The following ADARB2 variants were observed in gnomAD, a reference collection of about 807,000 sequenced individuals.
ADARB2 encodes inactive double-stranded RNA-specific editase B2.
In ADARB2, 25 loss-of-function variants were observed where a neutral mutation model predicts 62.2. That is an observed-to-expected ratio of 0.40 (90% CI 0.29 to 0.56). ADARB2 has a LOEUF of 0.56. ADARB2 is among the 20% of genes least tolerant of loss of function. The pLI, the probability that ADARB2 is intolerant of heterozygous loss-of-function variation, is 0.43. For missense variants in ADARB2, 1,071 were observed against 1,077.4 expected, an observed-to-expected ratio of 0.99 and a Z score of 0.08; for synonymous variants, 572 against 500.8, an observed-to-expected ratio of 1.14 and a Z score of -1.90.
At chr10:1,219,780 A>G (rs1830666116) in intron 6 of ADARB2, among the ~76,000 whole-genome samples, 1 of 146,624 alleles carries the variant, frequency 6.8e-6, no homozygotes, top group African/African-American at 2.6e-5. Flanking sequence ...AGACGGTGAT[A>G]TGATGGTGAA....
chr10:1,635,872 T>C (rs1342873347), intron 1 of ADARB2, among the ~76,000 whole-genome samples: 2 of 152,324 alleles, frequency 1.3e-5, no homozygotes, highest in Non-Finnish European at 2.9e-5. Context: ...GCCCCTCCAC[T>C]GACCCAGAGG....
At chr10:1,301,166 C>T (rs574931894) in intron 3 of ADARB2, among the ~76,000 whole-genome samples, 1 of 152,314 alleles carries the variant, frequency 6.6e-6, no homozygotes, top group South Asian at 2.1e-4. Context: ...ATGATAAAAT[C>T]GTGGCACAGG....
intron 3 of ADARB2, among the ~76,000 whole-genome samples, chr10:1,280,834 C>T (rs1831364314): frequency 6.6e-6 from 1 of 152,172 alleles, no homozygotes; most frequent in South Asian, 2.1e-4. Flanking sequence ...CTTTCTCAAT[C>T]CCCCGTTTCT....
At chr10:1,208,085 A>G (rs1371017923) in intron 7 of ADARB2, among the ~76,000 whole-genome samples, 1 of 152,198 alleles carries the variant, frequency 6.6e-6, no homozygotes, top group Admixed American at 6.5e-5. Flanking sequence ...TTGCAGGTCA[A>G]TTCTTATTGA....
chr10:1,606,048 C>T (rs1250387791), intron 1 of ADARB2, among the ~76,000 whole-genome samples: 2 of 152,180 alleles, frequency 1.3e-5, no homozygotes, highest in Non-Finnish European at 2.9e-5. Flanking sequence ...ATGGCATTTA[C>T]AATATGTATA....
At position 1,242,302 on chromosome 10, in the gene ADARB2, G is replaced by T; in HGVS notation, c.1193-3C>A. ...CTGCGCCTGCCGAGCATCCAGGCCT[G>T]GGGACACAGATAGCATCAGAGCAGC... On this transcript the variant is annotated splice_region_variant and splice_polypyrimidine_tract_variant and intron_variant, in intron 4 of 9. Transcript: ENST00000381312. 5.2e-6 allele frequency: 8 copies of T among 1,552,604 alleles called. No individual in the cohort carries two copies. The highest frequency in any genetic ancestry group is 7.0e-6 in the Non-Finnish European group (8 of 1,150,300).
chr10:1,184,398 A>T (rs1836720663), intron 9 of ADARB2, among the ~76,000 whole-genome samples: 1 of 152,318 alleles, frequency 6.6e-6, no homozygotes, highest in South Asian at 2.1e-4. Context: ...CTAATTGTGG[A>T]TGTCGTGGAA....
intron 1 of ADARB2, among the ~76,000 whole-genome samples, chr10:1,457,569 C>T (rs1026977708): frequency 2.6e-5 from 4 of 152,178 alleles, no homozygotes; most frequent in African/African-American, 4.8e-5. Context: ...AAGAAAGTTA[C>T]GCTTCAGAGC....
intron 7 of ADARB2, among the ~76,000 whole-genome samples, chr10:1,209,619 TCACCCA>T (rs370413263): frequency 2.1e-5 from 3 of 144,282 alleles, no homozygotes; most frequent in African/African-American, 5.2e-5. Flanking sequence ...GCCTACACCA[TCACCCA>T]CACCCACATC....
At position 1,240,275 on chromosome 10, in the gene ADARB2, T is replaced by A. The variant is rs34747919; in HGVS notation, c.1361+1856A>T. On this transcript the variant is annotated intron_variant, in intron 5 of 9. Coordinates refer to ENST00000381312, the MANE Select transcript of ADARB2 (RefSeq NM_018702.4). ...CTCTGCCTCCCGGTGTTTACTCCCC[T>A]CTGCCTCCCGGTGTTTACTCCCCTC... is the stretch of plus-strand genomic sequence containing the variant. 14 of 82,426 alleles carry A rather than the reference T, an allele frequency of 1.7e-4. 1 individual carries two copies. The highest frequency in any genetic ancestry group is 1.1e-3 in the East Asian group (2 of 1,798). The allele number at this position is 82,426 out of a possible 1,614,324, so 5.1% of individuals were successfully genotyped here.
At chr10:1,382,541 G>A (rs1437945933) in intron 1 of ADARB2, among the ~76,000 whole-genome samples, 1 of 152,070 alleles carries the variant, frequency 6.6e-6, no homozygotes, top group Non-Finnish European at 1.5e-5. Context: ...CTCTCTTTGT[G>A]GTTTCCTCGG....
intron 4 of ADARB2, among the ~76,000 whole-genome samples, chr10:1,256,650 C>G (rs535504202): frequency 6.6e-6 from 1 of 152,100 alleles, no homozygotes; most frequent in Admixed American, 6.5e-5. Flanking sequence ...TTATTAGTTA[C>G]GATCCTCAAC....
chr10:1,677,997 T>C (rs1186934415), intron 1 of ADARB2, among the ~76,000 whole-genome samples: 1 of 152,222 alleles, frequency 6.6e-6, no homozygotes, highest in Non-Finnish European at 1.5e-5. Flanking sequence ...TTTCCTCCAA[T>C]TCTTCCCTGT....
chr10:1,629,984 C>G (rs558655679), intron 1 of ADARB2, among the ~76,000 whole-genome samples: 4 of 152,164 alleles, frequency 2.6e-5, no homozygotes, highest in Non-Finnish European at 5.9e-5. Flanking sequence ...CACCATCTGC[C>G]GAGCCCTTGC....
chr10:1,491,619 G>C (rs1242448210), intron 1 of ADARB2, among the ~76,000 whole-genome samples: 1 of 152,124 alleles, frequency 6.6e-6, no homozygotes, highest in African/African-American at 2.4e-5. Flanking sequence ...AATAAACAAA[G>C]TCAGATGTAA....
chr10:1,459,716 G>C (rs1008454562), intron 1 of ADARB2, among the ~76,000 whole-genome samples: 3 of 152,150 alleles, frequency 2.0e-5, no homozygotes, highest in African/African-American at 7.2e-5. Flanking sequence ...GAGCCGGATT[G>C]GGCCATTACA....
At chr10:1,515,037 T>G (rs1588284095) in intron 1 of ADARB2, among the ~76,000 whole-genome samples, 1 of 152,352 alleles carries the variant, frequency 6.6e-6, no homozygotes, top group Non-Finnish European at 1.5e-5. Context: ...GCCTTTGTTT[T>G]ATAGCTGAAA....
chr10:1,442,588 C>T (rs906133321), intron 1 of ADARB2, among the ~76,000 whole-genome samples: 2 of 152,198 alleles, frequency 1.3e-5, no homozygotes, highest in Non-Finnish European at 2.9e-5. Context: ...CACCCAAGTG[C>T]TACCCCGACA....
chr10:1,566,366 A>G (rs559201862), intron 1 of ADARB2, among the ~76,000 whole-genome samples: 1 of 152,342 alleles, frequency 6.6e-6, no homozygotes, highest in South Asian at 2.1e-4. Context: ...TCCTTTAAAG[A>G]ACGGTACTAA....
Sources: gnomAD v4.1 joint callset for allele counts (sites outside exome capture counted in the v4.1 genomes callset) on GRCh38, gnomAD v4.1.1 for gene constraint, MANE v1.5 for transcripts, NCBI Gene and HGNC (gene_info 2026-07-23, HGNC 2026-07-21) for gene names.